Variants in NOS1AP observed in about 807,000 individuals in gnomAD.
The protein encoded by NOS1AP is carboxyl-terminal PDZ ligand of neuronal nitric oxide synthase protein.
A neutral mutation model predicts 56.2 loss-of-function variants in NOS1AP; 21 were observed. The ratio of observed to expected loss-of-function variants is 0.37; its 90% CI spans 0.26 to 0.54. NOS1AP has a LOEUF of 0.54. NOS1AP is among the 20% of genes least tolerant of loss of function. The pLI, the probability that NOS1AP is intolerant of heterozygous loss-of-function variation, is 0.84. For missense variants in NOS1AP, 522 were observed against 657.8 expected (o/e 0.79, Z 2.26); for synonymous variants, 270 against 274.6 (o/e 0.98, Z 0.17).
intron 2 of NOS1AP, among the ~76,000 whole-genome samples, chr1:162,228,402 T>C (rs1653013024): frequency 1.3e-5 from 2 of 152,180 alleles, no homozygotes; most frequent in African/African-American, 2.4e-5. Context: ...ATGAAGGAAA[T>C]GAAGAGAAAT....
intron 3 of NOS1AP, among the ~76,000 whole-genome samples, chr1:162,293,243 A>G (rs947688125): frequency 1.4e-5 from 2 of 145,884 alleles, no homozygotes; most frequent in East Asian, 3.9e-4. Flanking sequence ...TTTTTGAGTC[A>G]CCGCTGCTAT....
intron 2 of NOS1AP, among the ~76,000 whole-genome samples, chr1:162,236,812 C>T (rs1653307921): frequency 6.6e-6 from 1 of 152,216 alleles, no homozygotes; most frequent in African/African-American, 2.4e-5. Context: ...TGGCTGGTTT[C>T]AGGCTTCCTG....
intron 3 of NOS1AP, among the ~76,000 whole-genome samples, chr1:162,289,387 C>T (rs1655209386): frequency 1.3e-5 from 2 of 151,474 alleles, no homozygotes; most frequent in Admixed American, 6.6e-5. Context: ...AACCTCCACC[C>T]CCTGAGTTCA....
chr1:162,243,205 C>G (rs1250048329), intron 2 of NOS1AP, among the ~76,000 whole-genome samples: 1 of 152,014 alleles, frequency 6.6e-6, no homozygotes, highest in East Asian at 1.9e-4. Flanking sequence ...CGAGAGGGGA[C>G]AAGGGGGTGT....
intron 2 of NOS1AP, among the ~76,000 whole-genome samples, chr1:162,247,701 A>G (rs1020988250): frequency 8.7e-5 from 13 of 150,216 alleles, no homozygotes; most frequent in South Asian, 2.1e-4. Context: ...CGTCCCCCCC[A>G]CATTGTCCTC....
intron 2 of NOS1AP, among the ~76,000 whole-genome samples, chr1:162,168,144 C>G (rs1184158708): frequency 6.6e-6 from 1 of 152,174 alleles, no homozygotes; most frequent in African/African-American, 2.4e-5. Context: ...GTAACCTGGT[C>G]ACATAGGCAA....
chr1:162,092,731 G>T (rs1348474202), intron 1 of NOS1AP, among the ~76,000 whole-genome samples: 2 of 152,200 alleles, frequency 1.3e-5, no homozygotes, highest in East Asian at 1.9e-4. Context: ...ACTGTGTGTT[G>T]TTGAGTACTA....
In NOS1AP at chr1:162,262,813, C is replaced by A. The variant is rs182393751; in HGVS notation, c.178-24531C>A. 2.6e-4 allele frequency among the ~76,000 whole-genome samples: 40 copies of A among 152,298 alleles called. No homozygotes were observed. In the East Asian group the frequency reaches 5.2e-3, roughly 20 times the overall value. ...TCTTAATGTGAAAAACAACATTTAACCAGACTCATTTATCGAGCCCTTGAA... is the reference window on the plus strand; with the variant it reads ...TCTTAATGTGAAAAACAACATTTAAACAGACTCATTTATCGAGCCCTTGAA... On this transcript the variant is annotated intron_variant, in intron 2 of 9. Coordinates refer to ENST00000361897, the MANE Select transcript of NOS1AP (RefSeq NM_014697.3).
intron 1 of NOS1AP, among the ~76,000 whole-genome samples, chr1:162,138,233 C>A (rs1424492845): frequency 6.6e-6 from 1 of 152,002 alleles, no homozygotes; most frequent in Non-Finnish European, 1.5e-5. Context: ...CCTGGTGGTC[C>A]TTGCTCAAGG....
At chr1:162,304,780 C>CTG (rs3055849) in intron 4 of NOS1AP, among the ~76,000 whole-genome samples, 68,489 of 145,976 alleles carry the variant, frequency 0.47, 16,311 homozygotes, top group East Asian at 0.82. Context: ...ATTTTTATAT[C>CTG]TGTGTGTGTG....
chr1:162,295,107 G>A (rs1655413454), intron 3 of NOS1AP, among the ~76,000 whole-genome samples: 1 of 152,150 alleles, frequency 6.6e-6, no homozygotes, highest in African/African-American at 2.4e-5. Context: ...AAATAAGCCT[G>A]TGAAGGGCCC....
At position 162,361,040 on chromosome 1, in the gene NOS1AP, G is replaced by T. The variant is rs187600161; in HGVS notation, c.939+3904G>T. 1.8e-3 allele frequency: 707 copies of T among 398,436 alleles called. 6 individuals are homozygous for T. The highest frequency in any genetic ancestry group is 0.013 in the African/African-American group (639 of 48,042). The allele number at this position is 398,436 out of a possible 1,614,324, so 24.7% of individuals were successfully genotyped here. The stretch of plus-strand genomic sequence containing the variant: ...CTGGAGGGTGCAGGGCTGAACTTTT[G>T]TGTGTCATGATGAGGCCAGAGTGCA... On this transcript the variant is annotated intron_variant, in intron 8 of 9. Coordinates refer to ENST00000361897, the MANE Select transcript of NOS1AP (RefSeq NM_014697.3).
intron 2 of NOS1AP, among the ~76,000 whole-genome samples, chr1:162,202,852 T>A (rs775131115): frequency 8.5e-5 from 13 of 152,178 alleles, no homozygotes; most frequent in Non-Finnish European, 5.9e-5. Context: ...GGCTTAGATA[T>A]CTGGAAATAA....
intron 7 of NOS1AP, among the ~76,000 whole-genome samples, 195 bp downstream of exon 7, chr1:162,355,548 G>A (rs1657674551): frequency 6.6e-6 from 1 of 152,166 alleles, no homozygotes; most frequent in Admixed American, 6.5e-5. Context: ...TGCAGGCCAG[G>A]ATGCTGTGGA....
intron 6 of NOS1AP, among the ~76,000 whole-genome samples, chr1:162,347,035 T>C (rs1657318174): frequency 1.3e-5 from 2 of 152,206 alleles, no homozygotes; most frequent in South Asian, 4.1e-4. Flanking sequence ...ATTTTATATA[T>C]CTCTGCTGGT....
chr1:162,103,748 T>C (rs1647395567), intron 1 of NOS1AP, among the ~76,000 whole-genome samples: 1 of 152,186 alleles, frequency 6.6e-6, no homozygotes, highest in South Asian at 2.1e-4. Context: ...ACTAGGATTG[T>C]GACCCTTATT....
chr1:162,205,880 A>G (rs1652146338), intron 2 of NOS1AP, among the ~76,000 whole-genome samples: 1 of 152,162 alleles, frequency 6.6e-6, no homozygotes, highest in Non-Finnish European at 1.5e-5. Context: ...CTTACACAGA[A>G]AAAGTTTGGC....
intron 2 of NOS1AP, among the ~76,000 whole-genome samples, chr1:162,225,674 G>A (rs1652919830): frequency 6.6e-6 from 1 of 152,180 alleles, no homozygotes; most frequent in Non-Finnish European, 1.5e-5. Context: ...ACTAACCCAG[G>A]TAAGGCTGTC....
At position 162,367,496 on chromosome 1, in the gene NOS1AP, G is replaced by A. The variant is rs1462178965; in HGVS notation, c.*29G>A. The A allele has an allele frequency of 2.6e-6, 4 of 1,525,538 alleles. No individual in the cohort carries two copies. The highest frequency in any genetic ancestry group is 2.0e-5 in the Admixed American group (1 of 50,976). The allele number at this position is 1,525,538 out of a possible 1,614,324, so 94.5% of individuals were successfully genotyped here. On this transcript the variant is annotated 3_prime_UTR_variant, in exon 10 of 10. Coordinates refer to ENST00000361897, the MANE Select transcript of NOS1AP (RefSeq NM_014697.3). This position sits in a 1 kb window ranked among gnomAD's most constrained non-coding sequence, Gnocchi z 6.5. Reference sequence around the variant, plus strand: ...CCGAGGGCGAGGAGATGGAGGCGGCGGCGTGGCTGGAGGGGCCGTGTCTGG... The same window carrying A: ...CCGAGGGCGAGGAGATGGAGGCGGCAGCGTGGCTGGAGGGGCCGTGTCTGG...
Sources: gnomAD v4.1 joint callset for allele counts (sites outside exome capture counted in the v4.1 genomes callset) on GRCh38, gnomAD v4.1.1 for gene constraint, Gnocchi (gnomAD v3.1) non-coding constraint, MANE v1.5 for transcripts, NCBI Gene and HGNC (gene_info 2026-07-23, HGNC 2026-07-21) for gene names.